AQR: variants seen among roughly 807,000 people sequenced by gnomAD.
AQR encodes RNA helicase aquarius.
A neutral mutation model predicts 180.5 loss-of-function variants in AQR; 61 were observed. The observed-to-expected ratio is 0.34, with a 90% confidence interval of 0.28 to 0.42. AQR has a LOEUF of 0.42. AQR is among the 10% of genes least tolerant of loss of function. AQR has a pLI of 1.00. For missense variants in AQR, 1,281 were observed against 1,798.3 expected, an observed-to-expected ratio of 0.71 and a Z score of 5.20; for synonymous variants, 551 against 588.8, an observed-to-expected ratio of 0.94 and a Z score of 0.93.
At position 34,885,757 on chromosome 15, in the gene AQR, A is replaced by G. The variant is rs527836891; in HGVS notation, c.2817+769T>C. Among the ~76,000 whole-genome samples, 204 of 152,282 alleles carry G rather than the reference A, an allele frequency of 1.3e-3. No individual in the cohort carries two copies. The South Asian group carries it at 0.013, about 10-fold the overall frequency. ...CTATATTATGTATTTTCCCTGCTTC[A>G]CAAGAAACCATGAAAGCTGCTCATT... On this transcript the variant is annotated intron_variant, in intron 25 of 34. Coordinates refer to ENST00000156471, the MANE Select transcript of AQR (RefSeq NM_014691.3).
Position 34,855,580 on chromosome 15 carries a change from T to A in AQR, c.*1212A>T, listed in dbSNP as rs950715788. ...CTGGGCACCATGCCCAGGGACCTTG[T>A]AAGCAGAGGTCCCTTGTCAGAAAAC... is the stretch of plus-strand genomic sequence containing the variant. On this transcript the variant is annotated 3_prime_UTR_variant, in exon 35 of 35. Coordinates refer to ENST00000156471, the MANE Select transcript of AQR (RefSeq NM_014691.3). 1 of 150,994 alleles carries A rather than the reference T, an allele frequency of 6.6e-6. No homozygotes were observed. The highest frequency in any genetic ancestry group is 1.5e-5 in the Non-Finnish European group (1 of 67,906). 9.4% of individuals were successfully genotyped at this position (150,994 alleles called of 1,614,324 possible).
At chr15:34,958,075 G>A (rs1295094325) in intron 3 of AQR, among the ~76,000 whole-genome samples, 2 of 152,250 alleles carry the variant, frequency 1.3e-5, no homozygotes, top group East Asian at 3.9e-4. Flanking sequence ...GGGCGTGGTG[G>A]CGGGCGCCTG....
chr15:34,862,945 A>T lies in AQR; in HGVS notation c.3951T>A (p.Thr1317=). 3 of 1,613,896 alleles carry T rather than the reference A, an allele frequency of 1.9e-6. No homozygotes were observed. The highest frequency in any genetic ancestry group is 2.5e-6 in the Non-Finnish European group (3 of 1,179,874). The change falls in exon 33 of 35, where the codon ACT becomes ACA. Residue 1317 remains threonine (T), a synonymous_variant. Coordinates refer to ENST00000156471, the MANE Select transcript of AQR (RefSeq NM_014691.3). ...GAGCTGTGAGCTGACTGAAAGCTGG[A>T]GTCAGTTCAAAACAGTTTTGGAAGA... ...VSLFQNCFEL[T]PAFSQLTARP...
intron 32 of AQR, among the ~76,000 whole-genome samples, chr15:34,865,865 A>AT (rs1892732181): frequency 6.6e-6 from 1 of 152,188 alleles, no homozygotes; most frequent in African/African-American, 2.4e-5. Flanking sequence ...ATCTACAGAG[A>AT]TAAAAAGTAA....
Position 34,851,832 on chromosome 15 carries a change from T to TA in AQR, c.*4959dup, listed in dbSNP as rs1892516440. The TA allele has an allele frequency of 1.3e-5, 2 of 152,182 alleles. No individual in the cohort carries two copies. The highest frequency in any genetic ancestry group is 1.3e-4 in the Admixed American group (2 of 15,276). 9.4% of individuals were successfully genotyped at this position (152,182 alleles called of 1,614,324 possible). On this transcript the variant is annotated 3_prime_UTR_variant, in exon 35 of 35. Coordinates refer to ENST00000156471, the MANE Select transcript of AQR (RefSeq NM_014691.3). ...TGCATAAGAAATGAGAAGAAAAACT[T>TA]AGTGTGAAATTCTGGAGTCTAAAAT...
intron 32 of AQR, 116 bp from the exon 33 acceptor site, chr15:34,863,157 T>TAA: frequency 1.0e-6 from 1 of 971,574 alleles, no homozygotes; most frequent in Non-Finnish European, 1.5e-6. Flanking sequence ...AATAAAAAGT[T>TAA]AAGCTTCTTA....
chr15:34,857,200 A>C (rs770479793), intron 34 of AQR, 94 bp from the exon 35 acceptor site: 197 of 1,212,204 alleles, frequency 1.6e-4, no homozygotes, highest in Non-Finnish European at 2.1e-4. Context: ...TCTCCAAAAC[A>C]GTGCTGACCA....
chr15:34,920,303 T>C, intron 14 of AQR, 29 bp downstream of exon 14: 2 of 1,530,860 alleles, frequency 1.3e-6, no homozygotes, highest in Non-Finnish European at 1.8e-6. Flanking sequence ...GAAAACCACA[T>C]GCAAAATTCA....
intron 9 of AQR, among the ~76,000 whole-genome samples, chr15:34,935,062 CAT>C (rs1426674905): frequency 1.3e-5 from 2 of 152,130 alleles, no homozygotes; most frequent in African/African-American, 4.8e-5. Context: ...TAAACACACA[CAT>C]ACGTATATGT....
At chr15:34,953,043 A>G (rs2140504139) in intron 3 of AQR, 123 bp from the exon 4 acceptor site, 1 of 563,552 alleles carries the variant, frequency 1.8e-6, no homozygotes, top group East Asian at 3.4e-5. Context: ...AATTCATAAT[A>G]TCAGATCACA....
intron 28 of AQR, among the ~76,000 whole-genome samples, chr15:34,875,220 T>C (rs536497721): frequency 5.3e-5 from 8 of 152,244 alleles, no homozygotes; most frequent in African/African-American, 1.9e-4. Context: ...AATGGAAAGA[T>C]GCGAAATAAA....
intron 13 of AQR, among the ~76,000 whole-genome samples, chr15:34,926,579 T>C (rs1428718523): frequency 6.6e-6 from 1 of 152,230 alleles, no homozygotes; most frequent in African/African-American, 2.4e-5. Flanking sequence ...GTCTATCACA[T>C]AGTAAATAAA....
chr15:34,960,087 G>C (rs1270552833), intron 3 of AQR, among the ~76,000 whole-genome samples: 2 of 152,200 alleles, frequency 1.3e-5, no homozygotes, highest in Non-Finnish European at 2.9e-5. Context: ...CCTGAAGATG[G>C]CCTTTGACCC....
intron 4 of AQR, among the ~76,000 whole-genome samples, chr15:34,950,754 G>A (rs1894217382): frequency 6.6e-6 from 1 of 151,976 alleles, no homozygotes; most frequent in Non-Finnish European, 1.5e-5. Context: ...TTACCCTAAT[G>A]TGCTCTGTAA....
intron 31 of AQR, 97 bp from the exon 32 acceptor site, chr15:34,867,706 A>C (rs568863266): frequency 3.7e-6 from 3 of 807,166 alleles, no homozygotes; most frequent in Admixed American, 5.5e-5. Context: ...TCTTATCCTT[A>C]ATCAATCCCA....
chr15:34,859,414 T>C (rs1016546171), intron 34 of AQR, among the ~76,000 whole-genome samples: 1 of 152,196 alleles, frequency 6.6e-6, no homozygotes, highest in African/African-American at 2.4e-5. Flanking sequence ...AGGGTGAGGA[T>C]GTGTAGCAAC....
intron 13 of AQR, 30 bp from the exon 14 acceptor site, chr15:34,920,464 T>A: frequency 2.7e-6 from 4 of 1,501,096 alleles, no homozygotes; most frequent in Non-Finnish European, 3.7e-6. Flanking sequence ...ATTTTATTCA[T>A]AGTAACTTAC....
chr15:34,966,907 G>A lies in AQR; in HGVS notation c.76-2617C>T, dbSNP rs562415261. Among the ~76,000 whole-genome samples the A allele has an allele frequency of 3.8e-5, 4 of 104,738 alleles. No homozygotes were observed. In the South Asian group the frequency reaches 1.0e-3, roughly 26 times the overall value. 68.7% of individuals were successfully genotyped at this position (104,738 alleles called of 152,430 possible). On this transcript the variant is annotated intron_variant, in intron 1 of 34. Transcript: ENST00000156471. ...TTTTTTTTTTTTTGAGATGGAGTTCGCTCTTGTTGCCCAGGCTGAAGTACA... is the reference window on the plus strand; with the variant it reads ...TTTTTTTTTTTTTGAGATGGAGTTCACTCTTGTTGCCCAGGCTGAAGTACA...
chr15:34,915,004 A>C (rs760972854), intron 16 of AQR, 34 bp downstream of exon 16: 2 of 1,568,936 alleles, frequency 1.3e-6, no homozygotes, highest in South Asian at 2.4e-5. Flanking sequence ...CACTGTTTGC[A>C]TCTCTTCATT....
Sources: allele counts gnomAD v4.1 joint callset (sites outside exome capture counted in the v4.1 genomes callset), GRCh38; gene constraint gnomAD v4.1.1; transcripts MANE v1.5; gene names NCBI Gene and HGNC (gene_info 2026-07-23, HGNC 2026-07-21).